RUNDC3B: variants seen among roughly 807,000 people sequenced by gnomAD.
The protein encoded by RUNDC3B is RUN domain-containing protein 3B.
Under a neutral mutation model 58.4 loss-of-function variants are expected in RUNDC3B, and 33 were observed. The ratio of observed to expected loss-of-function variants is 0.56; its 90% CI spans 0.43 to 0.75. The LOEUF (loss-of-function observed/expected upper bound fraction) is 0.75. Ranked by LOEUF, RUNDC3B falls within the 30% of genes least tolerant of loss-of-function variation. RUNDC3B has a pLI of 0.00. For missense variants in RUNDC3B, 501 were observed against 535.7 expected, an observed-to-expected ratio of 0.94 and a Z score of 0.64; for synonymous variants, 193 against 195.2, an observed-to-expected ratio of 0.99 and a Z score of 0.10.
At chr7:87,791,907 G>T (rs4409335) in intron 8 of RUNDC3B, among the ~76,000 whole-genome samples, 1 of 151,868 alleles carries the variant, frequency 6.6e-6, no homozygotes, top group African/African-American at 2.4e-5. Context: ...ACTCTCCAAC[G>T]AAAAGACATA....
chr7:87,795,935 T>G lies in RUNDC3B; in HGVS notation c.957-11438T>G, dbSNP rs554352721. Among the ~76,000 whole-genome samples, 3 of 152,136 alleles carry G rather than the reference T, an allele frequency of 2.0e-5. No homozygotes were observed. In the East Asian group the frequency reaches 5.8e-4, roughly 29 times the overall value. On this transcript the variant is annotated intron_variant, in intron 8 of 10. Coordinates refer to ENST00000394654, the MANE Select transcript of RUNDC3B (RefSeq NM_001134405.2). ...AAATAAATAATGTTACCCCATATGA[T>G]CCAGCAATCCCACCCCTTGGTATAT...
At chr7:87,644,917 A>G (rs1163792249) in intron 1 of RUNDC3B, among the ~76,000 whole-genome samples, 1 of 152,012 alleles carries the variant, frequency 6.6e-6, no homozygotes, top group Non-Finnish European at 1.5e-5. Context: ...TAATTATGTT[A>G]CAAATCTATG....
chr7:87,680,118 C>G (rs1259890207), intron 2 of RUNDC3B, among the ~76,000 whole-genome samples: 1 of 150,248 alleles, frequency 6.7e-6, no homozygotes, highest in Non-Finnish European at 1.5e-5. Flanking sequence ...TGAGTGAGAA[C>G]ATGCAGTGTT....
intron 2 of RUNDC3B, among the ~76,000 whole-genome samples, chr7:87,690,178 T>C (rs928341920): frequency 6.6e-6 from 1 of 152,032 alleles, no homozygotes; most frequent in East Asian, 1.9e-4. Flanking sequence ...AGTACAGATA[T>C]ATTTGATATA....
intron 9 of RUNDC3B, among the ~76,000 whole-genome samples, chr7:87,813,183 C>A (rs1836817173): frequency 6.6e-6 from 1 of 152,184 alleles, no homozygotes; most frequent in Non-Finnish European, 1.5e-5. Flanking sequence ...TTTGGTTAAG[C>A]AAAGTTATAA....
chr7:87,774,189 A>C (rs1834491506), intron 7 of RUNDC3B, among the ~76,000 whole-genome samples: 1 of 152,204 alleles, frequency 6.6e-6, no homozygotes, highest in Non-Finnish European at 1.5e-5. Context: ...GGTCAAAAAA[A>C]TTGAGGAAAT....
At chr7:87,716,675 T>G (rs527300879) in intron 4 of RUNDC3B, among the ~76,000 whole-genome samples, 44 of 152,188 alleles carry the variant, frequency 2.9e-4, no homozygotes, top group Non-Finnish European at 3.5e-4. Context: ...TTCCCATAAA[T>G]TTTAAGTTCT....
chr7:87,701,845 T>A (rs1020505248), intron 3 of RUNDC3B, among the ~76,000 whole-genome samples: 4 of 152,052 alleles, frequency 2.6e-5, no homozygotes, highest in African/African-American at 9.6e-5. Flanking sequence ...TAGAAAAAAA[T>A]GTAAAACAGA....
At position 87,770,615 on chromosome 7, in the gene RUNDC3B, A is replaced by C. The variant is rs1393180014; in HGVS notation, c.664A>C (p.Arg222=). 1.9e-6 allele frequency: 3 copies of C among 1,613,810 alleles called. 1 individual carries two copies. In the South Asian group the frequency reaches 3.3e-5, roughly 18 times the overall value. Residue 222 remains arginine, a synonymous_variant, in exon 7 of 11, where the codon AGG becomes CGG. Transcript: ENST00000394654. ...DSISSDEEEL[R]TLGSSGSESS... is the part of the protein sequence containing the mutation. Reference sequence around the variant, plus strand: ...TATCAGCAGTGATGAGGAGGAGCTAAGGACTTTGGGAAGCAGTGGTAGCGA... The same window carrying C: ...TATCAGCAGTGATGAGGAGGAGCTACGGACTTTGGGAAGCAGTGGTAGCGA...
At chr7:87,647,346 A>G (rs970259379) in intron 1 of RUNDC3B, among the ~76,000 whole-genome samples, 9 of 152,120 alleles carry the variant, frequency 5.9e-5, no homozygotes, top group African/African-American at 2.2e-4. Context: ...AAAAATTCCC[A>G]TTTTCTAAGA....
At chr7:87,645,072 GCTTT>G (rs1175400055) in intron 1 of RUNDC3B, among the ~76,000 whole-genome samples, 2 of 149,022 alleles carry the variant, frequency 1.3e-5, no homozygotes, top group African/African-American at 2.5e-5. Context: ...TCACAATCAT[GCTTT>G]CTTTCTTTTT....
Position 87,737,531 on chromosome 7 carries a change from A to G in RUNDC3B, c.459-2260A>G, listed in dbSNP as rs186183142. ...ATACACATGAATGAAGTCTTTGATT[A>G]AATGATAAAAATATTATCTTCTCAG... On this transcript the variant is annotated intron_variant, in intron 4 of 10. Transcript: ENST00000394654. 4.8e-3 allele frequency among the ~76,000 whole-genome samples: 732 copies of G among 152,266 alleles called. 5 individuals carry two copies. The highest frequency in any genetic ancestry group is 6.6e-3 in the Non-Finnish European group (447 of 67,996).
chr7:87,653,062 C>T (rs532253861), intron 2 of RUNDC3B, among the ~76,000 whole-genome samples: 8 of 151,946 alleles, frequency 5.3e-5, no homozygotes, highest in African/African-American at 1.2e-4. Context: ...CTAAAAGCCC[C>T]GTTATTGAAG....
intron 1 of RUNDC3B, among the ~76,000 whole-genome samples, chr7:87,637,686 AATC>A (rs1364244085): frequency 6.6e-6 from 1 of 152,060 alleles, no homozygotes; most frequent in African/African-American, 2.4e-5. Flanking sequence ...TGGTAACTGA[AATC>A]ATTGAAAACT....
At chr7:87,638,351 G>GTA (rs1053837474) in intron 1 of RUNDC3B, among the ~76,000 whole-genome samples, 1 of 149,966 alleles carries the variant, frequency 6.7e-6, no homozygotes, top group Admixed American at 6.6e-5. Context: ...GTGTTTGTGT[G>GTA]TGTGTGTGTG....
chr7:87,772,597 T>G (rs1193216881), intron 7 of RUNDC3B, among the ~76,000 whole-genome samples: 1 of 152,170 alleles, frequency 6.6e-6, no homozygotes, highest in Non-Finnish European at 1.5e-5. Flanking sequence ...AATTAACATT[T>G]AGAAGTTGCA....
Position 87,710,575 on chromosome 7 carries a change from A to T in RUNDC3B, c.378A>T (p.Arg126Ser), listed in dbSNP as rs769745143. 1 of 1,566,172 alleles carries T rather than the reference A, an allele frequency of 6.4e-7. No homozygotes were observed. The highest frequency in any genetic ancestry group is 2.3e-5 in the East Asian group (1 of 43,926). Residue 126 changes from arginine (R) to serine (S), a missense_variant, in exon 4 of 11, where the codon AGA becomes AGT. By Grantham distance (110) the Arg-to-Ser change is moderately radical (BLOSUM62 -1). Coordinates refer to ENST00000394654, the MANE Select transcript of RUNDC3B (RefSeq NM_001134405.2). ...ENVSSSRAKG[R>S]AWIRVALMEK... The stretch of plus-strand genomic sequence containing the variant: ...TTCTTTCTTCTTCCTTTTAGGGTAG[A>T]GCCTGGATCAGAGTAGCACTCATGG...
At chr7:87,805,040 C>T (rs1836364721) in intron 8 of RUNDC3B, among the ~76,000 whole-genome samples, 6 of 152,066 alleles carry the variant, frequency 3.9e-5, no homozygotes, top group Admixed American at 3.9e-4. Flanking sequence ...ATAAAGAGAT[C>T]AGCAGCTCAC....
intron 4 of RUNDC3B, among the ~76,000 whole-genome samples, chr7:87,729,421 A>G (rs1584027269): frequency 6.6e-6 from 1 of 152,202 alleles, no homozygotes; most frequent in East Asian, 1.9e-4. Flanking sequence ...CTGTGCATTC[A>G]GGGGAGGCAG....
Sources: gnomAD v4.1 joint callset for allele counts (sites outside exome capture counted in the v4.1 genomes callset) on GRCh38, gnomAD v4.1.1 for gene constraint, MANE v1.5 for transcripts, NCBI Gene and HGNC (gene_info 2026-07-23, HGNC 2026-07-21) for gene names.